Variants in UGT1A6 observed in about 807,000 individuals in gnomAD.
UGT1A6 encodes UDP glucuronosyltransferase family 1 member A6.
UGT1A6 carries 32 observed loss-of-function variants against 44.4 expected under a neutral mutation model. The observed-to-expected ratio is 0.72, with a 90% confidence interval of 0.54 to 0.97. The LOEUF (loss-of-function observed/expected upper bound fraction) is 0.97, where lower values mean the gene tolerates loss of function less well. Ranked by LOEUF, UGT1A6 falls within the 50% of genes least tolerant of loss-of-function variation. The pLI is 0.00. For missense variants in UGT1A6, 685 were observed against 661.9 expected, an observed-to-expected ratio of 1.03 and a Z score of -0.38; for synonymous variants, 238 against 248.5, an observed-to-expected ratio of 0.96 and a Z score of 0.40.
intron 1 of UGT1A6, chr2:233,729,033 A>G: frequency 1.9e-6 from 3 of 1,602,256 alleles, no homozygotes; most frequent in Admixed American, 3.4e-5. Context: ...TTGATTTGCT[A>G]AGTGGCTCAG....
At chr2:233,705,373 G>A (rs1270805746) in intron 1 of UGT1A6, among the ~76,000 whole-genome samples, 3 of 152,052 alleles carry the variant, frequency 2.0e-5, no homozygotes, top group African/African-American at 7.2e-5. Flanking sequence ...CTTTTATTTT[G>A]TTTGTGCCTT....
intron 1 of UGT1A6, chr2:233,743,248 A>G (rs1692247141): frequency 2.3e-6 from 1 of 432,126 alleles, no homozygotes; most frequent in Non-Finnish European, 4.4e-6. Flanking sequence ...ACTTTAACTC[A>G]ACTCTCCATC....
intron 1 of UGT1A6, chr2:233,719,445 C>T: frequency 6.2e-7 from 1 of 1,613,958 alleles, no homozygotes; most frequent in Non-Finnish European, 8.5e-7. Context: ...GACATTCCTG[C>T]AAAGGGTCAA....
At position 233,719,049 on chromosome 2, in the gene UGT1A6, C is replaced by G. The variant is rs544702876; in HGVS notation, c.861+25184C>G. 2.5e-6 allele frequency: 4 copies of G among 1,614,286 alleles called. No individual in the cohort carries two copies. The East Asian group carries it at 6.7e-5, about 27-fold the overall frequency. ...CATCAAAGAAGAGAAATTTTTCACCCTGACAGCCTATGCTGTTCCATGGAC... is the reference window on the plus strand; with the variant it reads ...CATCAAAGAAGAGAAATTTTTCACCGTGACAGCCTATGCTGTTCCATGGAC... On this transcript the variant is annotated intron_variant, in intron 1 of 4. Transcript: ENST00000305139.
chr2:233,731,416 C>G (rs1172446293), intron 1 of UGT1A6, among the ~76,000 whole-genome samples: 1 of 151,828 alleles, frequency 6.6e-6, no homozygotes, highest in Admixed American at 6.6e-5. Flanking sequence ...GGTATTTTTC[C>G]TAATGCCATC....
intron 1 of UGT1A6, among the ~76,000 whole-genome samples, chr2:233,720,026 G>A (rs1302050187): frequency 6.6e-6 from 1 of 152,126 alleles, no homozygotes; most frequent in Non-Finnish European, 1.5e-5. Flanking sequence ...TGGGGTTTTT[G>A]CTTGCCTGAT....
At chr2:233,736,545 G>A (rs1335002348) in intron 1 of UGT1A6, among the ~76,000 whole-genome samples, 1 of 152,160 alleles carries the variant, frequency 6.6e-6, no homozygotes, top group Non-Finnish European at 1.5e-5. Context: ...TTCCAGCTTT[G>A]CTCCATTGCT....
intron 1 of UGT1A6, among the ~76,000 whole-genome samples, chr2:233,749,879 T>C (rs965424457): frequency 2.6e-5 from 4 of 151,958 alleles, no homozygotes; most frequent in African/African-American, 9.7e-5. Flanking sequence ...ATTATAAGTT[T>C]CCTGAGGCTC....
chr2:233,693,408 C>A lies in UGT1A6; in HGVS notation c.404C>A (p.Thr135Asn), dbSNP rs1198396462. 6.2e-7 allele frequency: 1 copy of A among 1,614,044 alleles called. No individual in the cohort carries two copies. The highest frequency in any genetic ancestry group is 8.5e-7 in the Non-Finnish European group (1 of 1,180,046). ...CAGAGCCTCCTGCAGGACAGGGACA[C>A]CCTGAACTTCTTTAAGGAGAGCAAG... ...NCQSLLQDRD[T>N]LNFFKESKFD... Residue 135 changes from threonine (T) to asparagine (N), a missense_variant, in exon 1 of 5, where the codon ACC becomes AAC. Transcript: ENST00000305139.
intron 1 of UGT1A6, among the ~76,000 whole-genome samples, chr2:233,705,561 T>C (rs974874080): frequency 6.6e-6 from 1 of 152,156 alleles, no homozygotes; most frequent in African/African-American, 2.4e-5. Flanking sequence ...ATATTGCTTG[T>C]GGCAAGGGAT....
chr2:233,713,285 A>G lies in UGT1A6; in HGVS notation c.861+19420A>G, dbSNP rs762192447. 2.5e-6 allele frequency: 4 copies of G among 1,614,230 alleles called. 1 individual carries two copies. Among genetic ancestry groups the G allele is most frequent in the South Asian group, 2.2e-5 (2 of 91,084 alleles). ...ATCGCCTTTTGCTGGGTCACACTCA[A>G]TCGTTCTTTGAAACAGAACATCTTC... On this transcript the variant is annotated intron_variant, in intron 1 of 4. Transcript: ENST00000305139.
intron 1 of UGT1A6, chr2:233,718,618 T>G: frequency 1.1e-6 from 1 of 872,510 alleles, no homozygotes; most frequent in Non-Finnish European, 1.4e-6. Context: ...AAGATAGGCG[T>G]GATTGGTCTT....
intron 1 of UGT1A6, chr2:233,719,255 C>T (rs1240913089): frequency 2.5e-6 from 4 of 1,614,024 alleles, no homozygotes; most frequent in Non-Finnish European, 3.4e-6. Flanking sequence ...ATGCTACTTC[C>T]TTTGATGTGG....
chr2:233,768,794 G>C (rs1447773393), intron 4 of UGT1A6, among the ~76,000 whole-genome samples: 4 of 151,952 alleles, frequency 2.6e-5, no homozygotes, highest in African/African-American at 7.2e-5. Flanking sequence ...ATGTTTGTCA[G>C]GCTGGTCTTG....
At position 233,713,223 on chromosome 2, in the gene UGT1A6, A is replaced by G. The variant is rs72551334; in HGVS notation, c.861+19358A>G. 6 of 1,614,250 alleles carry G rather than the reference A, an allele frequency of 3.7e-6. No homozygotes were observed. In the South Asian group the frequency reaches 4.4e-5, roughly 12 times the overall value. On this transcript the variant is annotated intron_variant, in intron 1 of 4. Coordinates refer to ENST00000305139, the MANE Select transcript of UGT1A6 (RefSeq NM_001072.4). ...CAAAGAAGAGAACTTTTTCACCCTG[A>G]CAACGTATGCCATTTCATGGACCCA...
intron 1 of UGT1A6, among the ~76,000 whole-genome samples, chr2:233,700,247 A>G (rs1441280800): frequency 6.6e-6 from 1 of 152,230 alleles, no homozygotes; most frequent in Non-Finnish European, 1.5e-5. Flanking sequence ...AAAAGCCCCA[A>G]AATGCCAAGT....
chr2:233,744,090 T>G (rs1692690512), intron 1 of UGT1A6: 7 of 425,206 alleles, frequency 1.6e-5, no homozygotes, highest in South Asian at 1.4e-4. Context: ...CAAGATGCAG[T>G]GCTTCTGGGA....
At chr2:233,729,603 A>G (rs7574296) in intron 1 of UGT1A6, 749,893 of 1,613,688 alleles carry the variant, frequency 0.46, 180,593 homozygotes, top group African/African-American at 0.76. Context: ...TCTGCGCGGC[A>G]GTGCTGGCTA....
intron 1 of UGT1A6, among the ~76,000 whole-genome samples, chr2:233,706,125 C>T (rs2075890628): frequency 6.6e-6 from 1 of 152,166 alleles, no homozygotes; most frequent in Non-Finnish European, 1.5e-5. Flanking sequence ...AGGACACTGA[C>T]AGCAAAGTAT....
Sources: gnomAD v4.1 joint callset for allele counts (sites outside exome capture counted in the v4.1 genomes callset) on GRCh38, gnomAD v4.1.1 for gene constraint, MANE v1.5 for transcripts, NCBI Gene and HGNC (gene_info 2026-07-23, HGNC 2026-07-21) for gene names.